VPS53: variants seen among roughly 807,000 people sequenced by gnomAD.
VPS53 encodes vacuolar protein sorting-associated protein 53 homolog.
Under a neutral mutation model 107.0 loss-of-function variants are expected in VPS53, and 70 were observed. That is an observed-to-expected ratio of 0.65 (90% CI 0.54 to 0.80). The LOEUF (loss-of-function observed/expected upper bound fraction) is 0.80, where lower values mean the gene tolerates loss of function less well. VPS53 is among the 30% of genes least tolerant of loss of function. The pLI is 0.00. For synonymous variants in VPS53, 409 were observed against 393.3 expected (o/e 1.04, Z -0.47); for missense variants, 917 against 1,049.4 (o/e 0.87, Z 1.74).
intron 2 of VPS53, among the ~76,000 whole-genome samples, chr17:700,388 C>CA (rs879305004): frequency 0.011 from 1,582 of 138,950 alleles, 28 homozygotes; most frequent in African/African-American, 0.036. Context: ...ACTAAAAATA[C>CA]AAAAAAAAAA....
chr17:610,873 GGT>G (rs2143012903), intron 11 of VPS53, among the ~76,000 whole-genome samples: 1 of 149,358 alleles, frequency 6.7e-6, no homozygotes, highest in South Asian at 2.1e-4. Context: ...AGGAGGCAGA[GGT>G]TGCAGTGAGC....
At chr17:542,983 A>G (rs954845991) in intron 17 of VPS53, among the ~76,000 whole-genome samples, 2 of 152,186 alleles carry the variant, frequency 1.3e-5, no homozygotes, top group African/African-American at 2.4e-5. Flanking sequence ...GTCAAAAAAA[A>G]AAAAAAAAAA....
In VPS53 at chr17:532,826, A is replaced by G; in HGVS notation, c.2085+16T>C. ...AAAAGCTGCCAGGCAAATGCCTGATACTACGTCCATCTCACCTGTTCTGCT... is the reference window on the plus strand; with the variant it reads ...AAAAGCTGCCAGGCAAATGCCTGATGCTACGTCCATCTCACCTGTTCTGCT... On this transcript the variant is annotated intron_variant, in intron 19 of 21. Coordinates refer to ENST00000437048, the MANE Select transcript of VPS53 (RefSeq NM_001128159.3). The G allele has an allele frequency of 6.2e-7, 1 of 1,613,614 alleles. No individual in the cohort carries two copies.
At chr17:592,900 G>A (rs563342153) in intron 12 of VPS53, among the ~76,000 whole-genome samples, 27 of 152,174 alleles carry the variant, frequency 1.8e-4, no homozygotes, top group African/African-American at 5.5e-4. Flanking sequence ...TCTTTGTGGC[G>A]TTCTCTGTAT....
chr17:713,351 T>C (rs1973711109), intron 1 of VPS53, among the ~76,000 whole-genome samples: 1 of 152,170 alleles, frequency 6.6e-6, no homozygotes, highest in Non-Finnish European at 1.5e-5. Flanking sequence ...TACCCTGCAG[T>C]ATTAGAAATC....
At chr17:669,592 T>TTAAAAAAAAAAAAAAAA (rs1971849693) in intron 4 of VPS53, among the ~76,000 whole-genome samples, 1 of 110,232 alleles carries the variant, frequency 9.1e-6, no homozygotes, top group Non-Finnish European at 1.9e-5. Flanking sequence ...TACTCTGTCT[T>TTAAAAAAAAAAAAAAAA]AAAAAAAAAA....
At chr17:586,215 C>A in intron 13 of VPS53, 55 bp downstream of exon 13, 1 of 1,553,174 alleles carries the variant, frequency 6.4e-7, no homozygotes. Context: ...AAGACCCAGT[C>A]ATGACCAGAG....
chr17:622,503 G>A (rs1969509745), intron 11 of VPS53, among the ~76,000 whole-genome samples: 1 of 151,932 alleles, frequency 6.6e-6, no homozygotes, highest in South Asian at 2.1e-4. Context: ...GCCTGCATGG[G>A]TTCTGTGTAC....
intron 11 of VPS53, among the ~76,000 whole-genome samples, 189 bp downstream of exon 11, chr17:623,344 G>C (rs533381599): frequency 6.6e-6 from 1 of 152,258 alleles, no homozygotes; most frequent in South Asian, 2.1e-4. Context: ...ATGATGTACT[G>C]CGTAAGAGAC....
intron 11 of VPS53, among the ~76,000 whole-genome samples, chr17:620,336 G>A (rs564223901): frequency 1.3e-5 from 2 of 152,318 alleles, no homozygotes; most frequent in Non-Finnish European, 1.5e-5. Context: ...CCTGCTCTGA[G>A]GCTGGTCTCA....
chr17:552,010 A>G, intron 16 of VPS53, 60 bp from the exon 17 acceptor site: 2 of 1,439,994 alleles, frequency 1.4e-6, no homozygotes, highest in Non-Finnish European at 1.9e-6. Context: ...TGAATGACTG[A>G]CACTCAGGCC....
chr17:615,468 A>C (rs572645421), intron 11 of VPS53, among the ~76,000 whole-genome samples: 1 of 152,120 alleles, frequency 6.6e-6, no homozygotes, highest in Admixed American at 6.5e-5. Flanking sequence ...GTCACCAAGG[A>C]CTGGAGAGGT....
At chr17:627,384 G>A in intron 9 of VPS53, 68 bp from the exon 10 acceptor site, 2 of 1,531,606 alleles carry the variant, frequency 1.3e-6, no homozygotes, top group Admixed American at 4.3e-5. Context: ...AAGGAAACAA[G>A]CAAAAACACA....
Position 520,557 on chromosome 17 carries a change from G to A in VPS53, c.2224-627C>T, listed in dbSNP as rs1368594144. Among the ~76,000 whole-genome samples the A allele has an allele frequency of 3.3e-4, 51 of 152,266 alleles. 1 individual carries two copies. The highest frequency in any genetic ancestry group is 2.8e-3 in the Admixed American group (43 of 15,282). On this transcript the variant is annotated intron_variant, in intron 20 of 21. Transcript: ENST00000437048. The surrounding 1 kb of genome is among the most constrained non-coding windows in gnomAD (Gnocchi z 4.4). ...TAACATACAAACAAAGGAAAGGAACGGCACTGCAACCCTTATTCATTTCCG... is the reference window on the plus strand; with the variant it reads ...TAACATACAAACAAAGGAAAGGAACAGCACTGCAACCCTTATTCATTTCCG...
chr17:701,973 C>CCCG (rs1973217819), intron 2 of VPS53, among the ~76,000 whole-genome samples: 1 of 152,192 alleles, frequency 6.6e-6, no homozygotes, highest in African/African-American at 2.4e-5. Flanking sequence ...AAGCAATGCT[C>CCCG]CCGCCTTGGC....
At chr17:684,758 G>C (rs554444418) in intron 4 of VPS53, among the ~76,000 whole-genome samples, 49 of 151,944 alleles carry the variant, frequency 3.2e-4, no homozygotes, top group Non-Finnish European at 6.3e-4. Context: ...AGGCCGAGGC[G>C]AGTGAATCAC....
chr17:559,682 G>A (rs987484844), intron 15 of VPS53, among the ~76,000 whole-genome samples: 1 of 152,238 alleles, frequency 6.6e-6, no homozygotes, highest in African/African-American at 2.4e-5. Context: ...ATTTATGACT[G>A]TCTTCTTGTG....
intron 4 of VPS53, among the ~76,000 whole-genome samples, chr17:691,349 G>C (rs1004850710): frequency 4.6e-5 from 7 of 152,162 alleles, no homozygotes; most frequent in African/African-American, 1.7e-4. Flanking sequence ...GAACTAGTCT[G>C]TCCTGTGGAC....
intron 8 of VPS53, among the ~76,000 whole-genome samples, chr17:630,577 T>C (rs145863377): frequency 1.3e-5 from 2 of 152,350 alleles, no homozygotes; most frequent in East Asian, 3.9e-4. Flanking sequence ...AGCCACAAAA[T>C]GTGAAGACAT....
Sources: allele counts gnomAD v4.1 joint callset (sites outside exome capture counted in the v4.1 genomes callset), GRCh38; gene constraint gnomAD v4.1.1; non-coding constraint Gnocchi (gnomAD v3.1); transcripts MANE v1.5; gene names NCBI Gene and HGNC (gene_info 2026-07-23, HGNC 2026-07-21).